The following WIF1 variants were observed in gnomAD, a reference collection of about 807,000 sequenced individuals.
The protein encoded by WIF1 is Wnt inhibitory factor 1.
A neutral mutation model predicts 53.5 loss-of-function variants in WIF1; 35 were observed. The ratio of observed to expected loss-of-function variants is 0.65; its 90% CI spans 0.50 to 0.87. The LOEUF is 0.87. WIF1 is among the 40% of genes least tolerant of loss of function. The pLI is 0.00. For missense variants in WIF1, 467 were observed against 476.8 expected (o/e 0.98, Z 0.19); for synonymous variants, 171 against 170.4 (o/e 1.00, Z -0.03).
intron 5 of WIF1, 107 bp downstream of exon 5, chr12:65,067,588 C>G: frequency 1.7e-6 from 2 of 1,195,896 alleles, no homozygotes; most frequent in Non-Finnish European, 2.4e-6. Flanking sequence ...GCCCCTGTGA[C>G]CAGGAAAATA....
intron 6 of WIF1, among the ~76,000 whole-genome samples, chr12:65,066,294 A>AGTGCTTAC (rs2136614506): frequency 1.3e-5 from 2 of 152,122 alleles, no homozygotes; most frequent in Non-Finnish European, 2.9e-5. Context: ...ATTTATTTTT[A>AGTGCTTAC]GCAGTGCTTA....
chr12:65,096,388 G>C (rs1253559992), intron 2 of WIF1, among the ~76,000 whole-genome samples: 1 of 152,186 alleles, frequency 6.6e-6, no homozygotes, highest in Non-Finnish European at 1.5e-5. Context: ...AGGATGTGGA[G>C]AAATAGGAAT....
chr12:65,063,698 C>CTT (rs34354517), intron 6 of WIF1, among the ~76,000 whole-genome samples: 3 of 131,816 alleles, frequency 2.3e-5, no homozygotes, highest in Admixed American at 7.6e-5. Flanking sequence ...AATCAAAACT[C>CTT]TTTTTTTTTT....
At chr12:65,077,103 T>TCCCC (rs1353124445) in intron 3 of WIF1, among the ~76,000 whole-genome samples, 1 of 152,156 alleles carries the variant, frequency 6.6e-6, no homozygotes, top group Non-Finnish European at 1.5e-5. Flanking sequence ...CAGTCAAATC[T>TCCCC]CCTAAGTCTT....
chr12:65,105,239 C>A (rs892740691), intron 2 of WIF1, among the ~76,000 whole-genome samples: 10 of 151,812 alleles, frequency 6.6e-5, no homozygotes, highest in African/African-American at 2.4e-4. Context: ...TATGCAGCTG[C>A]CTAGGAAATA....
intron 3 of WIF1, among the ~76,000 whole-genome samples, chr12:65,070,979 T>G (rs1882763141): frequency 6.6e-6 from 1 of 152,064 alleles, no homozygotes; most frequent in Non-Finnish European, 1.5e-5. Flanking sequence ...CTCACTCCTG[T>G]AATCCCAGCA....
rs1207961037 is a variant in WIF1, at chr12:65,062,551, A to C, written c.756T>G (p.Asn252Lys). The C allele has an allele frequency of 6.2e-7, 1 of 1,608,370 alleles. No homozygotes were observed. Among genetic ancestry groups the C allele is most frequent in the Non-Finnish European group, 8.5e-7 (1 of 1,176,964 alleles). ...DKANCSTTCF[N>K]GGTCFYPGKC... ...TTCCAGGGTAGAAACAGGTCCCTCC[A>C]TTAAAGCAGGTGGTTGAGCAGTTTG... The change falls in exon 7 of 10, where the codon AAT (asparagine) becomes AAG (lysine). Residue 252 changes from asparagine (N) to lysine (K), a missense_variant. Asn to Lys is a moderately conservative substitution (Grantham distance 94, BLOSUM62 0). Transcript: ENST00000286574.
At chr12:65,077,952 C>A in intron 2 of WIF1, 98 bp from the exon 3 acceptor site, 1 of 889,538 alleles carries the variant, frequency 1.1e-6, no homozygotes, top group South Asian at 1.6e-5. Flanking sequence ...AGATAATTTT[C>A]ATTACAGGAA....
intron 2 of WIF1, among the ~76,000 whole-genome samples, chr12:65,109,124 T>C (rs1196783446): frequency 1.3e-5 from 2 of 152,208 alleles, no homozygotes; most frequent in Non-Finnish European, 1.5e-5. Context: ...ACTACACCAA[T>C]GATTCTCAGT....
In WIF1 at chr12:65,120,505, G is replaced by A; in HGVS notation, c.200C>T (p.Thr67Ile). ...CTGTTGTGCTTTTCTGAAATCATGT[G>A]TAAAAGGTGCCATTTTCCCCTCTGA... ...IVSEGKMAPF[T>I]HDFRKAQQRM... Residue 67 changes from threonine to isoleucine, a missense_variant, in exon 2 of 10, where the codon ACA becomes ATA. Transcript: ENST00000286574. The A allele has an allele frequency of 6.2e-7, 1 of 1,614,074 alleles. No individual in the cohort carries two copies. Among genetic ancestry groups the A allele is most frequent in the Non-Finnish European group, 8.5e-7 (1 of 1,180,004 alleles).
At chr12:65,054,457 C>T (rs1347768342) in intron 9 of WIF1, among the ~76,000 whole-genome samples, 2 of 152,122 alleles carry the variant, frequency 1.3e-5, no homozygotes, top group Admixed American at 1.3e-4. Context: ...ACAATCAATA[C>T]TGAATGAATT....
In WIF1 at chr12:65,087,052, A is replaced by T. The variant is rs148335081; in HGVS notation, c.289-9198T>A. ...GTAATCCCAGCTACTCTGGAGGCTG[A>T]GGCAGGAGAACTGCTTAAACGTGGG... is the stretch of plus-strand genomic sequence containing the variant. On this transcript the variant is annotated intron_variant, in intron 2 of 9. Coordinates refer to ENST00000286574, the MANE Select transcript of WIF1 (RefSeq NM_007191.5). 2.2e-3 allele frequency among the ~76,000 whole-genome samples: 339 copies of T among 152,276 alleles called. 1 individual carries two copies. Among genetic ancestry groups the T allele is most frequent in the Middle Eastern group, 6.8e-3 (2 of 294 alleles).
chr12:65,067,490 A>G, intron 5 of WIF1, among the ~76,000 whole-genome samples: 1 of 152,362 alleles, frequency 6.6e-6, no homozygotes, highest in East Asian at 1.9e-4. Context: ...ATGCCAAAGT[A>G]CAGTGGCTAT....
intron 5 of WIF1, among the ~76,000 whole-genome samples, chr12:65,067,363 T>C (rs570350639): frequency 6.6e-6 from 1 of 152,312 alleles, no homozygotes; most frequent in African/African-American, 2.4e-5. Context: ...AACTTAGATA[T>C]ACTCTTAGTT....
intron 7 of WIF1, among the ~76,000 whole-genome samples, chr12:65,059,500 G>C (rs1038210736): frequency 6.6e-6 from 1 of 152,128 alleles, no homozygotes; most frequent in African/African-American, 2.4e-5. Flanking sequence ...TTAACTGAAG[G>C]TTCATTAAAG....
intron 2 of WIF1, among the ~76,000 whole-genome samples, chr12:65,092,457 T>C (rs1022852564): frequency 1.4e-5 from 2 of 145,528 alleles, no homozygotes; most frequent in Non-Finnish European, 3.0e-5. Flanking sequence ...TGTATATATA[T>C]ACACATGTAT....
chr12:65,115,631 T>A (rs1883497432), intron 2 of WIF1, among the ~76,000 whole-genome samples: 1 of 152,144 alleles, frequency 6.6e-6, no homozygotes, highest in African/African-American at 2.4e-5. Context: ...GAATAAAGAG[T>A]ATTTTCCATT....
At chr12:65,062,368 G>T in intron 7 of WIF1, 113 bp downstream of exon 7, 1 of 926,926 alleles carries the variant, frequency 1.1e-6, no homozygotes, top group South Asian at 1.8e-5. Context: ...TAAGACCTTA[G>T]ACAAGTTATT....
At chr12:65,106,320 A>G (rs1592403279) in intron 2 of WIF1, among the ~76,000 whole-genome samples, 1 of 151,956 alleles carries the variant, frequency 6.6e-6, no homozygotes, top group Admixed American at 6.6e-5. Flanking sequence ...ATTTATGAAA[A>G]CAACTTTCTA....
Sources: gnomAD v4.1 joint callset for allele counts (sites outside exome capture counted in the v4.1 genomes callset) on GRCh38, gnomAD v4.1.1 for gene constraint, MANE v1.5 for transcripts, NCBI Gene and HGNC (gene_info 2026-07-23, HGNC 2026-07-21) for gene names.